The following KLF12 variants were observed in gnomAD, a reference collection of about 807,000 sequenced individuals.
The protein encoded by KLF12 is KLF transcription factor 12.
In KLF12, 9 loss-of-function variants were observed where a neutral mutation model predicts 37.8. The ratio of observed to expected loss-of-function variants is 0.24; its 90% CI spans 0.14 to 0.42. The LOEUF (loss-of-function observed/expected upper bound fraction) is 0.42. KLF12 is among the 10% of genes least tolerant of loss of function. KLF12 has a pLI of 1.00. For synonymous variants in KLF12, 208 were observed against 202.1 expected, an observed-to-expected ratio of 1.03 and a Z score of -0.25; for missense variants, 411 against 516.0, an observed-to-expected ratio of 0.80 and a Z score of 1.97.
At chr13:73,758,370 C>T (rs1257036261) in intron 6 of KLF12, among the ~76,000 whole-genome samples, 1 of 152,116 alleles carries the variant, frequency 6.6e-6, no homozygotes, top group Non-Finnish European at 1.5e-5. Flanking sequence ...CTGTATAAAA[C>T]CACTGTAAGA....
intron 1 of KLF12, among the ~76,000 whole-genome samples, chr13:74,072,535 C>T (rs559925663): frequency 1.6e-3 from 242 of 151,604 alleles, no homozygotes; most frequent in Non-Finnish European, 2.7e-3. Context: ...GCCAGGAGTT[C>T]AAGACCAGCC....
intron 6 of KLF12, among the ~76,000 whole-genome samples, chr13:73,738,022 A>ACACACAC: frequency 2.2e-5 from 2 of 92,382 alleles, no homozygotes; most frequent in South Asian, 6.1e-4. Context: ...TCATTCAACA[A>ACACACAC]ACACACACAC....
intron 2 of KLF12, among the ~76,000 whole-genome samples, chr13:73,976,664 G>A (rs950921761): frequency 6.6e-6 from 1 of 152,174 alleles, no homozygotes; most frequent in African/African-American, 2.4e-5. Context: ...CATTTAGAGT[G>A]AAGTGAAATA....
At chr13:73,822,164 A>T (rs1883564587) in intron 4 of KLF12, among the ~76,000 whole-genome samples, 1 of 152,236 alleles carries the variant, frequency 6.6e-6, no homozygotes, top group African/African-American at 2.4e-5. Context: ...CATTTCATTT[A>T]AAAAATTACA....
the KLF12 span, among the ~76,000 whole-genome samples, chr13:74,298,179 C>T: frequency 0.06 from 9,147 of 152,258 alleles, 893 homozygotes; most frequent in African/African-American, 0.2. Flanking sequence ...CATACATACT[C>T]TGTCACTACA....
Position 74,082,176 on chromosome 13 carries a change from A to AAAAAAAAAAAC in KLF12, c.-32+51562_-32+51563insGTTTTTTTTTT, listed in dbSNP as rs1370632380. The stretch of plus-strand genomic sequence containing the variant: ...GACCCTGTCTCTTAAAAAAAAAAAA[A>AAAAAAAAAAAC]AACAAAGTTAGCCAGGTGTGGTGGT... On this transcript the variant is annotated intron_variant, in intron 1 of 7. Transcript: ENST00000377669. Among the ~76,000 whole-genome samples the AAAAAAAAAAAC allele has an allele frequency of 1.0e-3, 155 of 150,898 alleles. 3 individuals are homozygous for AAAAAAAAAAAC. In the East Asian group the frequency reaches 0.022, roughly 21 times the overall value.
At chr13:74,048,420 G>A (rs1289492552) in intron 1 of KLF12, among the ~76,000 whole-genome samples, 1 of 150,572 alleles carries the variant, frequency 6.6e-6, no homozygotes, top group East Asian at 1.9e-4. Flanking sequence ...TTCTCTCAAG[G>A]ACTGTTTTTT....
the KLF12 span, among the ~76,000 whole-genome samples, chr13:74,300,823 C>T: frequency 6.6e-6 from 1 of 152,132 alleles, no homozygotes; most frequent in African/African-American, 2.4e-5. Flanking sequence ...TAAGGGAAGT[C>T]AACAGTTAGG....
At chr13:74,095,657 G>C (rs890137263) in intron 1 of KLF12, among the ~76,000 whole-genome samples, 1 of 152,090 alleles carries the variant, frequency 6.6e-6, no homozygotes, top group Non-Finnish European at 1.5e-5. Context: ...CCAAATTGTT[G>C]GAATTATAGG....
chr13:73,718,010 T>C (rs1357866400), intron 6 of KLF12, among the ~76,000 whole-genome samples: 1 of 152,196 alleles, frequency 6.6e-6, no homozygotes, highest in Non-Finnish European at 1.5e-5. Context: ...TTAACATCTT[T>C]TAAAAGTGAG....
intron 3 of KLF12, among the ~76,000 whole-genome samples, chr13:73,875,924 C>A (rs992283146): frequency 6.6e-6 from 1 of 152,062 alleles, no homozygotes. Flanking sequence ...TTATTTTCAA[C>A]CTTTGTTTTC....
chr13:73,712,482 C>T (rs1471594712), intron 7 of KLF12, among the ~76,000 whole-genome samples: 5 of 151,966 alleles, frequency 3.3e-5, no homozygotes, highest in Admixed American at 3.3e-4. Flanking sequence ...GAATGTATTC[C>T]CAGTGAAGAT....
chr13:73,872,221 C>T (rs1886506451), intron 3 of KLF12, among the ~76,000 whole-genome samples: 1 of 152,046 alleles, frequency 6.6e-6, no homozygotes, highest in African/African-American at 2.4e-5. Context: ...AAATATATTT[C>T]AGAATTTAAT....
At chr13:73,771,165 C>G (rs1880242917) in intron 5 of KLF12, among the ~76,000 whole-genome samples, 1 of 152,144 alleles carries the variant, frequency 6.6e-6, no homozygotes, top group East Asian at 1.9e-4. Context: ...GTTCTCATGG[C>G]ACGGGGTACT....
intron 3 of KLF12, among the ~76,000 whole-genome samples, chr13:73,911,494 G>C (rs978430875): frequency 2.0e-5 from 3 of 152,208 alleles, no homozygotes; most frequent in African/African-American, 7.2e-5. Flanking sequence ...CATGGCTTCA[G>C]TACTGCCCAT....
rs1874020069 is a variant in KLF12 at position 73,694,781 on chromosome 13, C to A, written c.*709G>T. 1 of 152,682 alleles carries A rather than the reference C, an allele frequency of 6.5e-6. No individual in the cohort carries two copies. Among genetic ancestry groups the A allele is most frequent in the African/African-American group, 2.4e-5 (1 of 41,456 alleles). 9.5% of individuals were successfully genotyped at this position (152,682 alleles called of 1,614,324 possible). A position where few individuals can be genotyped will look rare whatever the true frequency, so the allele number is the denominator to read the frequency against. On this transcript the variant is annotated 3_prime_UTR_variant, in exon 8 of 8. Coordinates refer to ENST00000377669, the MANE Select transcript of KLF12 (RefSeq NM_007249.5). ...AGAGACCAGGACGAGACTTCAACTG[C>A]CCCTCTGCTCGAACAGATGAACAAA...
chr13:74,177,759 C>T, the KLF12 span, among the ~76,000 whole-genome samples: 1 of 152,128 alleles, frequency 6.6e-6, no homozygotes, highest in African/African-American at 2.4e-5. Context: ...GACAGACTTG[C>T]AGGAGGGAAG....
At chr13:73,825,721 A>AC (rs1209537992) in intron 4 of KLF12, among the ~76,000 whole-genome samples, 9 of 151,980 alleles carry the variant, frequency 5.9e-5, no homozygotes, top group Admixed American at 2.6e-4. Context: ...CTACTGAAAA[A>AC]AAACAGAGAA....
intron 2 of KLF12, among the ~76,000 whole-genome samples, chr13:73,979,346 T>G (rs1163919681): frequency 7.7e-6 from 1 of 129,478 alleles, no homozygotes; most frequent in Admixed American, 8.5e-5. Flanking sequence ...AAAAACAGTC[T>G]GCTTTTAAAC....
Sources: gnomAD v4.1 joint callset for allele counts (sites outside exome capture counted in the v4.1 genomes callset) on GRCh38, gnomAD v4.1.1 for gene constraint, MANE v1.5 for transcripts, NCBI Gene and HGNC (gene_info 2026-07-23, HGNC 2026-07-21) for gene names.